FER: variants seen among roughly 807,000 people sequenced by gnomAD.
The protein encoded by FER is FER tyrosine kinase.
Under a neutral mutation model 111.0 loss-of-function variants are expected in FER, and 63 were observed. The observed-to-expected ratio is 0.57, with a 90% CI of 0.46 to 0.70. The LOEUF is 0.70. Among genes scored for constraint, FER ranks in the 30% least tolerant of loss-of-function variants. The pLI, the probability that FER is intolerant of heterozygous loss-of-function variation, is 0.00. For synonymous variants in FER, 327 were observed against 313.9 expected, an observed-to-expected ratio of 1.04 and a Z score of -0.44; for missense variants, 914 against 954.0, an observed-to-expected ratio of 0.96 and a Z score of 0.55.
intron 16 of FER, among the ~76,000 whole-genome samples, chr5:109,068,535 A>G (rs994191595): frequency 5.9e-5 from 9 of 152,186 alleles, no homozygotes; most frequent in African/African-American, 2.2e-4. Flanking sequence ...GTGGGATGCA[A>G]AATGCACTGT....
intron 15 of FER, among the ~76,000 whole-genome samples, chr5:109,046,799 A>G (rs952140703): frequency 9.9e-5 from 15 of 152,046 alleles, no homozygotes; most frequent in Non-Finnish European, 1.9e-4. Flanking sequence ...TAATCTGGAG[A>G]TGGTTTAAAG....
At chr5:108,992,991 A>C (rs1338473396) in intron 13 of FER, among the ~76,000 whole-genome samples, 5 of 139,494 alleles carry the variant, frequency 3.6e-5, no homozygotes, top group African/African-American at 1.1e-4. Flanking sequence ...GGCGGCCGGG[A>C]AGAGGCGCTC....
chr5:109,182,004 T>C (rs577814771), intron 18 of FER, among the ~76,000 whole-genome samples: 1 of 152,372 alleles, frequency 6.6e-6, no homozygotes, highest in Non-Finnish European at 1.5e-5. Context: ...TTATACGGTA[T>C]GCGATATCTT....
intron 13 of FER, among the ~76,000 whole-genome samples, chr5:109,013,410 C>T (rs1295182425): frequency 6.6e-6 from 1 of 151,894 alleles, no homozygotes; most frequent in African/African-American, 2.4e-5. Flanking sequence ...GACATGAACT[C>T]ATCAATTTTT....
intron 17 of FER, among the ~76,000 whole-genome samples, chr5:109,110,659 A>G (rs1749499264): frequency 6.6e-6 from 1 of 151,938 alleles, no homozygotes; most frequent in Non-Finnish European, 1.5e-5. Flanking sequence ...TAATTTTATT[A>G]TTATTATACT....
intron 10 of FER, among the ~76,000 whole-genome samples, chr5:108,917,622 T>C (rs1453840852): frequency 6.6e-6 from 1 of 152,202 alleles, no homozygotes; most frequent in East Asian, 1.9e-4. Context: ...TGACTTGGGA[T>C]TATAACTAAA....
At chr5:109,025,735 C>T (rs201410597) in intron 13 of FER, among the ~76,000 whole-genome samples, 6,882 of 151,904 alleles carry the variant, frequency 0.045, 248 homozygotes, top group South Asian at 0.11. Context: ...TTTGCCCATT[C>T]AGTATGATAT....
intron 17 of FER, among the ~76,000 whole-genome samples, chr5:109,127,417 T>G (rs1455458864): frequency 6.6e-6 from 1 of 152,200 alleles, no homozygotes; most frequent in Non-Finnish European, 1.5e-5. Context: ...TTATTTGTAT[T>G]TTTTTGAGAC....
intron 10 of FER, among the ~76,000 whole-genome samples, chr5:108,932,170 T>C (rs1754778343): frequency 6.6e-6 from 1 of 152,116 alleles, no homozygotes; most frequent in Non-Finnish European, 1.5e-5. Flanking sequence ...ATCCCTCACC[T>C]AGCCCCCTAC....
intron 16 of FER, among the ~76,000 whole-genome samples, chr5:109,067,201 C>T (rs1374380803): frequency 4.0e-5 from 6 of 151,770 alleles, no homozygotes; most frequent in Non-Finnish European, 8.8e-5. Flanking sequence ...TACAGTCAGT[C>T]GTGTGTTAGG....
At chr5:109,176,444 A>G (rs1039261283) in intron 17 of FER, among the ~76,000 whole-genome samples, 1 of 152,152 alleles carries the variant, frequency 6.6e-6, no homozygotes, top group African/African-American at 2.4e-5. Flanking sequence ...CTCATGAAGG[A>G]AGAGAGCAGA....
chr5:109,185,518 G>C (rs1758764023), intron 18 of FER, among the ~76,000 whole-genome samples: 1 of 152,078 alleles, frequency 6.6e-6, no homozygotes, highest in Non-Finnish European at 1.5e-5. Context: ...ATCCAACTTG[G>C]TTAATCTCCT....
intron 11 of FER, among the ~76,000 whole-genome samples, chr5:108,946,745 G>A (rs913559718): frequency 6.6e-6 from 1 of 151,936 alleles, no homozygotes; most frequent in Non-Finnish European, 1.5e-5. Flanking sequence ...TTTAGTAACA[G>A]CAGTTTGGCC....
intron 10 of FER, among the ~76,000 whole-genome samples, chr5:108,900,037 T>A (rs1418613360): frequency 6.6e-6 from 1 of 152,246 alleles, no homozygotes; most frequent in Non-Finnish European, 1.5e-5. Context: ...TTATCAAATT[T>A]ATTTTAAATT....
intron 16 of FER, among the ~76,000 whole-genome samples, chr5:109,096,950 G>C (rs370110854): frequency 6.7e-6 from 1 of 148,198 alleles, no homozygotes; most frequent in South Asian, 2.1e-4. Context: ...AATAGTATTT[G>C]TAACAGTATA....
chr5:109,012,793 AAG>A (rs1209032714), intron 13 of FER, among the ~76,000 whole-genome samples: 2 of 152,144 alleles, frequency 1.3e-5, no homozygotes, highest in African/African-American at 4.8e-5. Context: ...CAAAATGGAA[AAG>A]AGAAAAAAAA....
At chr5:109,083,901 C>T (rs924919620) in intron 16 of FER, among the ~76,000 whole-genome samples, 1 of 151,956 alleles carries the variant, frequency 6.6e-6, no homozygotes, top group African/African-American at 2.4e-5. Context: ...ATAATAAAGT[C>T]CTTTGTCTCT....
chr5:108,845,539 A>ATC (rs1761947690), intron 5 of FER, among the ~76,000 whole-genome samples: 1 of 152,018 alleles, frequency 6.6e-6, no homozygotes, highest in Non-Finnish European at 1.5e-5. Flanking sequence ...GGATCATGTT[A>ATC]TCTATGTATA....
intron 10 of FER, among the ~76,000 whole-genome samples, chr5:108,914,466 A>T (rs1751992715): frequency 6.6e-6 from 1 of 152,170 alleles, no homozygotes; most frequent in African/African-American, 2.4e-5. Flanking sequence ...ATTATTTTTG[A>T]TAACAAAGTG....
Sources: allele counts gnomAD v4.1 joint callset (sites outside exome capture counted in the v4.1 genomes callset), GRCh38; gene constraint gnomAD v4.1.1; transcripts MANE v1.5; gene names NCBI Gene and HGNC (gene_info 2026-07-23, HGNC 2026-07-21).